Variants in KDM1A observed in about 807,000 individuals in gnomAD.
KDM1A encodes the protein lysine demethylase 1A.
Under a neutral mutation model 109.4 loss-of-function variants are expected in KDM1A, and 49 were observed. The observed-to-expected ratio is 0.45, with a 90% CI of 0.36 to 0.57. The LOEUF is 0.57. KDM1A is among the 20% of genes least tolerant of loss of function. The pLI is 0.00. For synonymous variants in KDM1A, 380 were observed against 415.4 expected (o/e 0.91, Z 1.04); for missense variants, 668 against 1,116.6 (o/e 0.60, Z 5.73).
intron 4 of KDM1A, among the ~76,000 whole-genome samples, chr1:23,051,379 T>C (rs553324786): frequency 6.6e-5 from 10 of 152,322 alleles, no homozygotes; most frequent in African/African-American, 2.4e-4. Context: ...GAAAACTACG[T>C]TGTCAAAGGG....
intron 14 of KDM1A, among the ~76,000 whole-genome samples, chr1:23,072,682 G>A (rs1258860555): frequency 1.3e-5 from 2 of 152,146 alleles, no homozygotes; most frequent in Non-Finnish European, 1.5e-5. Context: ...TCTCGCTCTT[G>A]TTGCCCAGGC....
intron 9 of KDM1A, 23 bp downstream of exon 9, chr1:23,059,190 T>A: frequency 6.3e-7 from 1 of 1,576,286 alleles, no homozygotes; most frequent in East Asian, 2.2e-5. Flanking sequence ...CAAACAGAAC[T>A]TTCAACATTT....
intron 3 of KDM1A, 26 bp downstream of exon 3, chr1:23,044,512 A>T (rs1290731340): frequency 4.4e-6 from 7 of 1,576,844 alleles, no homozygotes; most frequent in Non-Finnish European, 6.0e-6. Context: ...GATGCTTGCC[A>T]CTTAGTAGCA....
chr1:23,053,910 A>G, intron 5 of KDM1A, 71 bp downstream of exon 5: 1 of 815,176 alleles, frequency 1.2e-6, no homozygotes. Flanking sequence ...TAGGAGCCTC[A>G]TGGTTCCTTG....
intron 12 of KDM1A, among the ~76,000 whole-genome samples, chr1:23,069,691 G>A (rs1343762845): frequency 6.6e-6 from 1 of 152,178 alleles, no homozygotes; most frequent in African/African-American, 2.4e-5. Context: ...AGTTTTCATT[G>A]GTGAAGACCA....
At chr1:23,075,570 CAAA>C (rs55931513) in intron 15 of KDM1A, among the ~76,000 whole-genome samples, 1 of 139,092 alleles carries the variant, frequency 7.2e-6, no homozygotes, top group Non-Finnish European at 1.6e-5. Flanking sequence ...GACTCCATCT[CAAA>C]AAAAAAAAAA....
intron 2 of KDM1A, among the ~76,000 whole-genome samples, chr1:23,032,975 C>G (rs1374807419): frequency 6.6e-6 from 1 of 152,210 alleles, no homozygotes; most frequent in African/African-American, 2.4e-5. Flanking sequence ...TCTCGGCTCA[C>G]TGCAACCCCT....
At chr1:23,065,926 G>T in intron 9 of KDM1A, 134 bp from the exon 10 acceptor site, 1 of 1,286,950 alleles carries the variant, frequency 7.8e-7, no homozygotes, top group South Asian at 1.6e-5. Flanking sequence ...TGCAGCTTCT[G>T]AGCTAACAGA....
In KDM1A at chr1:23,035,228, G is replaced by A. The variant is rs528176185; in HGVS notation, c.517+4594G>A. Among the ~76,000 whole-genome samples the A allele has an allele frequency of 4.6e-5, 7 of 152,204 alleles. No homozygotes were observed. In the South Asian group the frequency reaches 6.2e-4, roughly 14 times the overall value. On this transcript the variant is annotated intron_variant, in intron 2 of 20. Coordinates refer to ENST00000400181, the MANE Select transcript of KDM1A (RefSeq NM_001009999.3). ...GTTTGTTTGTTTGTTTTGAGACGGA[G>A]TTTTGCTCTTGGTGCCTAGTCTGGA...
chr1:23,026,579 G>A (rs903269595), intron 1 of KDM1A, among the ~76,000 whole-genome samples: 2 of 151,690 alleles, frequency 1.3e-5, no homozygotes, highest in South Asian at 2.1e-4. Context: ...ATGGAGTCTC[G>A]CTATTTTGCC....
In KDM1A at chr1:23,071,218, T is replaced by C; in HGVS notation, c.1414-7T>C. On this transcript the variant is annotated splice_region_variant and splice_polypyrimidine_tract_variant and intron_variant, in intron 12 of 20. Coordinates refer to ENST00000400181, the MANE Select transcript of KDM1A (RefSeq NM_001009999.3). ...TGGAATGGTAAATTTGTATTTTTCC[T>C]TCTTAGATGGTAAATTTGAAAGAGA... The C allele has an allele frequency of 6.3e-7, 1 of 1,594,892 alleles. No homozygotes were observed. The highest frequency in any genetic ancestry group is 8.5e-7 in the Non-Finnish European group (1 of 1,172,058).
chr1:23,070,491 C>T (rs1330474723), intron 12 of KDM1A, among the ~76,000 whole-genome samples: 1 of 150,668 alleles, frequency 6.6e-6, no homozygotes, highest in Non-Finnish European at 1.5e-5. Flanking sequence ...AAAAAAAATT[C>T]TTTGACCTTT....
chr1:23,083,096 G>A, intron 20 of KDM1A, 83 bp from the exon 21 acceptor site: 2 of 1,311,682 alleles, frequency 1.5e-6, no homozygotes, highest in Non-Finnish European at 2.1e-6. Flanking sequence ...AAGGTCAACA[G>A]CAATTTAAGT....
chr1:23,048,472 T>C (rs531456890), intron 3 of KDM1A, among the ~76,000 whole-genome samples: 26 of 152,316 alleles, frequency 1.7e-4, no homozygotes, highest in Non-Finnish European at 2.2e-4. Flanking sequence ...TGACAGTCTT[T>C]AATTTTGGGT....
chr1:23,071,734 A>G (rs981177283), intron 13 of KDM1A, among the ~76,000 whole-genome samples: 8 of 152,168 alleles, frequency 5.3e-5, no homozygotes, highest in African/African-American at 1.9e-4. Context: ...CATCTGTAAC[A>G]TGGTCTTAAC....
At chr1:23,041,435 C>CTTTTTTTTTTTTTTTTTTTTT in intron 2 of KDM1A, among the ~76,000 whole-genome samples, 1 of 53,006 alleles carries the variant, frequency 1.9e-5, no homozygotes, top group Non-Finnish European at 3.2e-5. Flanking sequence ...TCTTTTCTTG[C>CTTTTTTTTTTTTTTTTTTTTT]TTTTTTTTTT....
intron 7 of KDM1A, among the ~76,000 whole-genome samples, chr1:23,057,219 G>T (rs916010283): frequency 6.6e-6 from 1 of 152,170 alleles, no homozygotes; most frequent in African/African-American, 2.4e-5. Context: ...CAGCTGTCAA[G>T]ACTGTTTTAT....
chr1:23,072,619 G>C (rs1432605993), intron 14 of KDM1A, among the ~76,000 whole-genome samples: 2 of 152,068 alleles, frequency 1.3e-5, no homozygotes, highest in African/African-American at 4.8e-5. Flanking sequence ...ACATAAATCT[G>C]TTCTGTTCTG....
At chr1:23,046,362 A>G (rs2124437504) in intron 3 of KDM1A, among the ~76,000 whole-genome samples, 1 of 152,266 alleles carries the variant, frequency 6.6e-6, no homozygotes. Flanking sequence ...CTAGGACTTG[A>G]TATGATACAT....
Sources: allele counts gnomAD v4.1 joint callset (sites outside exome capture counted in the v4.1 genomes callset), GRCh38; gene constraint gnomAD v4.1.1; transcripts MANE v1.5; gene names NCBI Gene and HGNC (gene_info 2026-07-23, HGNC 2026-07-21).